IDH2: variants seen among roughly 807,000 people sequenced by gnomAD.
IDH2 encodes the protein isocitrate dehydrogenase (NADP(+)) 2.
In IDH2, 18 loss-of-function variants were observed where a neutral mutation model predicts 50.5. The observed-to-expected ratio is 0.36, with a 90% CI of 0.25 to 0.53. IDH2 has a LOEUF of 0.53. IDH2 is among the 20% of genes least tolerant of loss of function. The pLI is 0.92. For missense variants in IDH2, 518 were observed against 610.7 expected (o/e 0.85, Z 1.60); for synonymous variants, 280 against 239.8 (o/e 1.17, Z -1.55).
chr15:90,101,097 T>C (rs905527654), intron 1 of IDH2, among the ~76,000 whole-genome samples: 3 of 152,162 alleles, frequency 2.0e-5, no homozygotes, highest in Admixed American at 6.5e-5. Flanking sequence ...CTGAGGTAGA[T>C]TCCCAGAGGT....
chr15:90,084,147 A>G lies in IDH2; in HGVS notation c.*119T>C. 1.3e-6 allele frequency: 1 copy of G among 756,016 alleles called. No individual in the cohort carries two copies. The highest frequency in any genetic ancestry group is 2.3e-6 in the Non-Finnish European group (1 of 440,104). The allele number at this position is 756,016 out of a possible 1,614,324, so 46.8% of individuals were successfully genotyped here. A position where few individuals can be genotyped will look rare whatever the true frequency, so the allele number is the denominator to read the frequency against. On this transcript the variant is annotated 3_prime_UTR_variant, in exon 11 of 11. Transcript: ENST00000330062. This position sits in a 1 kb window ranked among gnomAD's most constrained non-coding sequence, Gnocchi z 5.0. ...CTTTTAAAAACATCTGGCTTATAAA[A>G]AAACATCCCCTAGAAAGGCCTCCAG...
rs940965627 is a variant in IDH2 at position 90,098,787 on chromosome 15, G to A, written c.115+3489C>T. Among the ~76,000 whole-genome samples the A allele has an allele frequency of 3.9e-5, 6 of 152,062 alleles. No homozygotes were observed. The highest frequency in any genetic ancestry group is 1.2e-4 in the African/African-American group (5 of 41,394). On this transcript the variant is annotated intron_variant, in intron 1 of 10. Coordinates refer to ENST00000330062, the MANE Select transcript of IDH2 (RefSeq NM_002168.4). This position sits in a 1 kb window ranked among gnomAD's most constrained non-coding sequence, Gnocchi z 5.1. ...TCGAACTCCTGGCCCCAACTGATCC[G>A]CCTGCTTCGGCCTCCCAAAGTCCTG...
chr15:90,086,790 C>T (rs938247285), intron 7 of IDH2, among the ~76,000 whole-genome samples: 25 of 152,164 alleles, frequency 1.6e-4, no homozygotes, highest in African/African-American at 6.0e-4. Context: ...TCCAGTCCCG[C>T]TTGATCCCAT....
intron 1 of IDH2, 46 bp downstream of exon 1, chr15:90,102,230 G>T: frequency 1.2e-6 from 1 of 830,384 alleles, no homozygotes; most frequent in Non-Finnish European, 1.6e-6. Context: ...CCGCCACGTC[G>T]CAGCTGGGGG....
intron 1 of IDH2, among the ~76,000 whole-genome samples, chr15:90,099,341 C>A (rs1335056522): frequency 6.6e-6 from 1 of 152,162 alleles, no homozygotes; most frequent in East Asian, 1.9e-4. Context: ...GTCCCTCTTC[C>A]CCCAATACCG....
intron 1 of IDH2, among the ~76,000 whole-genome samples, chr15:90,099,228 A>G (rs1901266520): frequency 6.6e-6 from 1 of 152,130 alleles, no homozygotes; most frequent in Non-Finnish European, 1.5e-5. Context: ...AGCCCTCTAC[A>G]GACCCCACTG....
At position 90,098,531 on chromosome 15, in the gene IDH2, C is replaced by CATGCATGTATGTATGTATGCATGCATGT. The variant is rs1555462240; in HGVS notation, c.115+3744_115+3745insACATGCATGCATACATACATACATGCAT. Among the ~76,000 whole-genome samples the CATGCATGTATGTATGTATGCATGCATGT allele has an allele frequency of 7.2e-6, 1 of 138,354 alleles. No homozygotes were observed. The highest frequency in any genetic ancestry group is 1.6e-5 in the Non-Finnish European group (1 of 62,880). The allele number at this position is 138,354 out of a possible 152,430, so 90.8% of individuals were successfully genotyped here. On this transcript the variant is annotated intron_variant, in intron 1 of 10. Transcript: ENST00000330062. This position sits in a 1 kb window ranked among gnomAD's most constrained non-coding sequence, Gnocchi z 5.1. ...GTATGTATGTATGTATGTATGCATG[C>CATGCATGTATGTATGTATGCATGCATGT]ATGTATGTATGTATGTATGTATGTA...
intron 1 of IDH2, among the ~76,000 whole-genome samples, chr15:90,095,106 T>C (rs1901148082): frequency 6.6e-6 from 1 of 151,776 alleles, no homozygotes; most frequent in African/African-American, 2.4e-5. Context: ...TTAGAGATCA[T>C]TTAGGGGGAA....
intron 1 of IDH2, among the ~76,000 whole-genome samples, chr15:90,096,438 G>A (rs184799575): frequency 1.4e-3 from 217 of 152,148 alleles, no homozygotes; most frequent in African/African-American, 5.1e-3. Flanking sequence ...AAACCATAAT[G>A]AGATATCACC....
At chr15:90,101,842 T>C (rs942525207) in intron 1 of IDH2, among the ~76,000 whole-genome samples, 1 of 151,738 alleles carries the variant, frequency 6.6e-6, no homozygotes, top group Admixed American at 6.5e-5. Flanking sequence ...AGCCTTTGTC[T>C]GAGCAGGGGC....
intron 3 of IDH2, among the ~76,000 whole-genome samples, chr15:90,089,072 A>G (rs552028870): frequency 6.6e-6 from 1 of 151,914 alleles, no homozygotes; most frequent in South Asian, 2.1e-4. Flanking sequence ...GTGACACCAC[A>G]CCAAGCTAAT....
chr15:90,090,356 G>A (rs533532940), intron 3 of IDH2, 123 bp downstream of exon 3: 7 of 1,070,534 alleles, frequency 6.5e-6, no homozygotes, highest in Admixed American at 4.0e-5. Context: ...CCCAGCTCTG[G>A]AGCCTCCCAA....
rs769180013 is a variant in IDH2 at position 90,085,335 on chromosome 15, C to T, written c.1020G>A (p.Lys340=). 2 of 1,554,588 alleles carry T rather than the reference C, an allele frequency of 1.3e-6. No homozygotes were observed. The highest frequency in any genetic ancestry group is 2.4e-5 in the South Asian group (2 of 84,394). ...CATGAGCGGCCTCAGCCTCAATCGT[C>T]TTCCCATCAGGGCAGACCAGGACGG... The part of the protein sequence containing the change: ...MTSVLVCPDG[K]TIEAEAAHGT... The change falls in exon 8 of 11, where the codon AAG becomes AAA. Residue 340 remains lysine (K), a synonymous_variant. Coordinates refer to ENST00000330062, the MANE Select transcript of IDH2 (RefSeq NM_002168.4). This position sits in a 1 kb window ranked among gnomAD's most constrained non-coding sequence, Gnocchi z 5.5.
Position 90,102,307 on chromosome 15 carries a change from G to A in IDH2, c.84C>T (p.Ala28=). 8.1e-6 allele frequency: 11 copies of A among 1,354,950 alleles called. No homozygotes were observed. The highest frequency in any genetic ancestry group is 1.1e-5 in the Non-Finnish European group (11 of 1,042,768). 83.9% of individuals were successfully genotyped at this position (1,354,950 alleles called of 1,614,324 possible). A position where few individuals can be genotyped will look rare whatever the true frequency, so the allele number is the denominator to read the frequency against. ...GCCGCGGCTGCTCTTGCGAGGTGGG[G>A]GCTGTCAGGGCCGCCGGCGCCCAGG... The part of the protein sequence containing the change: ...RPAWAPAALT[A]PTSQEQPRRH... Residue 28 remains alanine (A), a synonymous_variant, in exon 1 of 11, where the codon GCC becomes GCT. Transcript: ENST00000330062.
In IDH2 at chr15:90,084,929, G is replaced by A. The variant is rs768517016; in HGVS notation, c.1179-21C>T. 2.3e-5 allele frequency: 37 copies of A among 1,611,708 alleles called. No individual in the cohort carries two copies. Among genetic ancestry groups the A allele is most frequent in the Non-Finnish European group, 2.9e-5 (34 of 1,178,046 alleles). Reference sequence around the variant, plus strand: ...CAAACCTATGGGGATGGGGCAGAATGAGACCCCATCTGTGCAAGGGCAGGA... The same window carrying A: ...CAAACCTATGGGGATGGGGCAGAATAAGACCCCATCTGTGCAAGGGCAGGA... On this transcript the variant is annotated intron_variant, in intron 9 of 10. Transcript: ENST00000330062. This position sits in a 1 kb window ranked among gnomAD's most constrained non-coding sequence, Gnocchi z 5.0.
At chr15:90,093,879 C>T (rs1901113877) in intron 1 of IDH2, among the ~76,000 whole-genome samples, 1 of 150,168 alleles carries the variant, frequency 6.7e-6, no homozygotes, top group South Asian at 2.1e-4. Flanking sequence ...TTTGGCCTCC[C>T]AAAGTGCTGG....
rs141374477 is a variant in IDH2 at position 90,089,588 on chromosome 15, A to G, written c.374-841T>C. Reference sequence around the variant, plus strand: ...GGTGAAATGAAGAGCTCAACACTCAAATGATCCCAGTGCTGTGGGTCAGGC... The same window carrying G: ...GGTGAAATGAAGAGCTCAACACTCAGATGATCCCAGTGCTGTGGGTCAGGC... On this transcript the variant is annotated intron_variant, in intron 3 of 10. Transcript: ENST00000330062. 7.7e-3 allele frequency among the ~76,000 whole-genome samples: 1,172 copies of G among 152,272 alleles called. 11 individuals are homozygous for G. Among genetic ancestry groups the G allele is most frequent in the Non-Finnish European group, 0.013 (865 of 68,020 alleles).
At chr15:90,092,470 A>G (rs932241061) in intron 1 of IDH2, among the ~76,000 whole-genome samples, 4 of 150,596 alleles carry the variant, frequency 2.7e-5, no homozygotes, top group African/African-American at 9.8e-5. Context: ...CACTGATGCC[A>G]TCATAGCTTA....
intron 7 of IDH2, 82 bp downstream of exon 7, chr15:90,087,030 C>G: frequency 2.0e-6 from 3 of 1,505,396 alleles, no homozygotes; most frequent in Non-Finnish European, 2.8e-6. Context: ...CTAGAGTTTT[C>G]TACCAAAAGG....
Sources: allele counts gnomAD v4.1 joint callset (sites outside exome capture counted in the v4.1 genomes callset), GRCh38; gene constraint gnomAD v4.1.1; non-coding constraint Gnocchi (gnomAD v3.1); transcripts MANE v1.5; gene names NCBI Gene and HGNC (gene_info 2026-07-23, HGNC 2026-07-21).